The following ZNF385D variants were observed in gnomAD, a reference collection of about 807,000 sequenced individuals.
ZNF385D encodes the protein zinc finger protein 659.
Under a neutral mutation model 35.8 loss-of-function variants are expected in ZNF385D, and 15 were observed. The ratio of observed to expected loss-of-function variants is 0.42; its 90% CI spans 0.28 to 0.64. ZNF385D has a LOEUF of 0.64. Ranked by LOEUF, ZNF385D falls within the 30% of genes least tolerant of loss-of-function variation. The pLI is 0.23. For synonymous variants in ZNF385D, 212 were observed against 186.8 expected, an observed-to-expected ratio of 1.13 and a Z score of -1.10; for missense variants, 474 against 494.6, an observed-to-expected ratio of 0.96 and a Z score of 0.39.
At chr3:21,460,804 AG>A (rs1703122329) in intron 4 of ZNF385D, among the ~76,000 whole-genome samples, 1 of 152,214 alleles carries the variant, frequency 6.6e-6, no homozygotes, top group Non-Finnish European at 1.5e-5. Flanking sequence ...ACAGAAAAAT[AG>A]CAATTAATTA....
chr3:21,435,426 A>G (rs1361290951), intron 5 of ZNF385D, among the ~76,000 whole-genome samples: 2 of 151,194 alleles, frequency 1.3e-5, no homozygotes, highest in Non-Finnish European at 3.0e-5. Flanking sequence ...CCCAGCTAAC[A>G]TTTTTTTTCA....
intron 3 of ZNF385D, among the ~76,000 whole-genome samples, chr3:22,029,479 C>T (rs1193559546): frequency 1.3e-5 from 2 of 152,034 alleles, no homozygotes; most frequent in Admixed American, 1.3e-4. Context: ...TTGCTGAAGG[C>T]AAGGAAAACA....
intron 3 of ZNF385D, among the ~76,000 whole-genome samples, chr3:21,780,848 C>T (rs2071462052): frequency 6.6e-6 from 1 of 152,044 alleles, no homozygotes; most frequent in Non-Finnish European, 1.5e-5. Flanking sequence ...TCTGTAAGAT[C>T]CACTTAGTAA....
intron 3 of ZNF385D, among the ~76,000 whole-genome samples, chr3:22,030,304 C>CATATATATATATATAT (rs1553591410): frequency 5.5e-5 from 2 of 36,040 alleles, no homozygotes; most frequent in Non-Finnish European, 1.0e-4. Context: ...TATATATATC[C>CATATATATATATATAT]TATTTGGTCC....
chr3:22,100,219 T>G (rs1701860522), intron 3 of ZNF385D, among the ~76,000 whole-genome samples: 1 of 143,640 alleles, frequency 7.0e-6, no homozygotes, highest in Non-Finnish European at 1.5e-5. Flanking sequence ...ATAGGAACAC[T>G]TTTACACTGT....
chr3:21,510,566 G>C (rs1204132219), intron 4 of ZNF385D, among the ~76,000 whole-genome samples: 1 of 152,040 alleles, frequency 6.6e-6, no homozygotes, highest in South Asian at 2.1e-4. Flanking sequence ...ACACTGAAAA[G>C]GTTCATTTCT....
chr3:21,904,869 C>T (rs1484815245), intron 3 of ZNF385D, among the ~76,000 whole-genome samples: 1 of 152,112 alleles, frequency 6.6e-6, no homozygotes, highest in Non-Finnish European at 1.5e-5. Context: ...AGACACACAA[C>T]AGACTCTCAA....
intron 2 of ZNF385D, among the ~76,000 whole-genome samples, chr3:22,342,169 C>A (rs1446841915): frequency 6.8e-6 from 1 of 146,248 alleles, no homozygotes; most frequent in East Asian, 2.1e-4. Flanking sequence ...CCCAGCTACT[C>A]GGGAGACTGA....
At chr3:22,107,601 T>A (rs572260070) in intron 3 of ZNF385D, among the ~76,000 whole-genome samples, 1 of 152,236 alleles carries the variant, frequency 6.6e-6, no homozygotes, top group East Asian at 1.9e-4. Context: ...ATTTAAAGTA[T>A]AGAAACAATA....
At chr3:22,263,736 A>G (rs1293395941) in intron 2 of ZNF385D, among the ~76,000 whole-genome samples, 2 of 152,014 alleles carry the variant, frequency 1.3e-5, no homozygotes, top group African/African-American at 4.8e-5. Context: ...AACCAGGGGC[A>G]GTTTTTATGC....
chr3:22,083,937 T>A (rs1206251899), intron 3 of ZNF385D, among the ~76,000 whole-genome samples: 1 of 152,164 alleles, frequency 6.6e-6, no homozygotes, highest in Admixed American at 6.5e-5. Context: ...TCAACATTCT[T>A]AAAGAAAAGA....
intron 3 of ZNF385D, among the ~76,000 whole-genome samples, chr3:21,759,070 T>C (rs1018894141): frequency 2.7e-5 from 4 of 149,576 alleles, no homozygotes; most frequent in African/African-American, 9.8e-5. Context: ...CTCCCTGTTT[T>C]TCAAAGCACT....
intron 1 of ZNF385D, among the ~76,000 whole-genome samples, chr3:21,723,643 G>A (rs1353655239): frequency 1.3e-5 from 2 of 152,150 alleles, no homozygotes; most frequent in Non-Finnish European, 2.9e-5. Flanking sequence ...AGAAATATGG[G>A]ACTATGTGAA....
chr3:22,190,233 A>G (rs1054329987), intron 2 of ZNF385D, among the ~76,000 whole-genome samples: 1 of 152,174 alleles, frequency 6.6e-6, no homozygotes, highest in Non-Finnish European at 1.5e-5. Flanking sequence ...AATCTATGAG[A>G]TGGGAAATTT....
At chr3:21,769,935 C>T (rs1163577255) in intron 3 of ZNF385D, among the ~76,000 whole-genome samples, 2 of 151,936 alleles carry the variant, frequency 1.3e-5, no homozygotes, top group African/African-American at 4.8e-5. Context: ...TAATACCACA[C>T]ATCTACAACT....
chr3:21,876,367 A>G (rs1447666242), intron 3 of ZNF385D, among the ~76,000 whole-genome samples: 1 of 151,266 alleles, frequency 6.6e-6, no homozygotes, highest in Non-Finnish European at 1.5e-5. Flanking sequence ...TCATTTTGGG[A>G]TGATTTAGGG....
intron 3 of ZNF385D, among the ~76,000 whole-genome samples, chr3:21,757,120 CTTTTTTT>C (rs61226426): frequency 3.8e-5 from 4 of 106,414 alleles, no homozygotes; most frequent in East Asian, 2.6e-4. Flanking sequence ...ATAAATTTCT[CTTTTTTT>C]TTTTTTTTTT....
chr3:21,571,113 T>A (rs1479065272), intron 2 of ZNF385D, among the ~76,000 whole-genome samples: 1 of 152,144 alleles, frequency 6.6e-6, no homozygotes, highest in Non-Finnish European at 1.5e-5. Context: ...ACCATCCCAA[T>A]AAAGAGATGG....
At chr3:22,250,249 G>A (rs946764588) in intron 2 of ZNF385D, among the ~76,000 whole-genome samples, 1 of 152,044 alleles carries the variant, frequency 6.6e-6, no homozygotes, top group Non-Finnish European at 1.5e-5. Context: ...TATTCCTTGA[G>A]TGGGTTGTAT....
Sources: gnomAD v4.1 joint callset for allele counts (sites outside exome capture counted in the v4.1 genomes callset) on GRCh38, gnomAD v4.1.1 for gene constraint, MANE v1.5 for transcripts, NCBI Gene and HGNC (gene_info 2026-07-23, HGNC 2026-07-21) for gene names.